The following CXCR2 variants were observed in gnomAD, a reference collection of about 807,000 sequenced individuals.
CXCR2 encodes C-X-C chemokine receptor type 2.
A neutral mutation model predicts 3.7 loss-of-function variants in CXCR2; 2 were observed. That is an observed-to-expected ratio of 0.55 (90% CI 0.22 to 1.72). CXCR2 has a LOEUF of 1.72. Ranked by LOEUF, CXCR2 falls within the 40% of genes most tolerant of loss-of-function variation. The probability of loss-of-function intolerance (pLI) is 0.19; values close to 1 mark genes in which losing one functional copy is unlikely to be tolerated. For missense variants in CXCR2, 351 were observed against 450.1 expected (o/e 0.78, Z 1.99); for synonymous variants, 203 against 193.3 (o/e 1.05, Z -0.41).
upstream of CXCR2, chr2:218,125,584 T>A (rs1009289398): frequency 1.4e-5 from 2 of 138,034 alleles, no homozygotes; most frequent in Non-Finnish European, 3.2e-5. Context: ...TTGTTTTTGT[T>A]TTTTTTTTTA....
At chr2:218,131,432 T>C (rs2106103211) in intron 2 of CXCR2, among the ~76,000 whole-genome samples, 1 of 152,104 alleles carries the variant, frequency 6.6e-6, no homozygotes, top group South Asian at 2.1e-4. Flanking sequence ...AGGGATTGCT[T>C]ATAAATTACG....
chr2:218,127,936 C>T (rs1217805746), intron 1 of CXCR2, among the ~76,000 whole-genome samples: 2 of 152,336 alleles, frequency 1.3e-5, no homozygotes, highest in East Asian at 3.9e-4. Context: ...CCACTGCCGA[C>T]TGCTTTCCCT....
chr2:218,135,734 C>T lies in CXCR2; in HGVS notation c.933C>T (p.Pro311=), dbSNP rs1690780675. The change falls in exon 3 of 3, where the codon CCC becomes CCT. Residue 311 remains proline, a synonymous_variant. Coordinates refer to ENST00000318507, the MANE Select transcript of CXCR2 (RefSeq NM_001557.4). The surrounding 1 kb of genome is among the most constrained non-coding windows in gnomAD (Gnocchi z 4.0). ...GCATCCTTCACAGCTGCCTCAACCC[C>T]CTCATCTACGCCTTCATTGGCCAGA... The part of the protein sequence containing the change: ...ILGILHSCLN[P]LIYAFIGQKF... The T allele has an allele frequency of 6.2e-7, 1 of 1,613,984 alleles. No individual in the cohort carries two copies. Among genetic ancestry groups the T allele is most frequent in the African/African-American group, 1.3e-5 (1 of 74,894 alleles).
chr2:218,131,263 T>C (rs1369500402), intron 2 of CXCR2, among the ~76,000 whole-genome samples: 2 of 152,166 alleles, frequency 1.3e-5, no homozygotes, highest in African/African-American at 2.4e-5. Context: ...CTTGACTTCA[T>C]TGGACATACC....
In CXCR2 at chr2:218,135,914, G is replaced by A. The variant is rs200327176; in HGVS notation, c.*30G>A. On this transcript the variant is annotated 3_prime_UTR_variant, in exon 3 of 3. Coordinates refer to ENST00000318507, the MANE Select transcript of CXCR2 (RefSeq NM_001557.4). The surrounding 1 kb of genome is among the most constrained non-coding windows in gnomAD (Gnocchi z 4.0). ...TCCTGCCTAAGTGCAGCCCCGTGGG[G>A]TTCCTCCCTTCTCTTCACAGTCACA... 141 of 1,569,198 alleles carry A rather than the reference G, an allele frequency of 9.0e-5. No individual in the cohort carries two copies. The Middle Eastern group carries it at 1.0e-3, about 12-fold the overall frequency.
rs1486133607 is a variant in CXCR2 at position 218,135,237 on chromosome 2, C to T, written c.436C>T (p.Leu146=). ...LLACISVDRY[L]AIVHATRTLT... ...GGCCTGCATCAGTGTGGACCGTTAC[C>T]TGGCCATTGTCCATGCCACACGCAC... Residue 146 remains leucine (L), a synonymous_variant, in exon 3 of 3, where the codon CTG becomes TTG. Transcript: ENST00000318507. This position sits in a 1 kb window ranked among gnomAD's most constrained non-coding sequence, Gnocchi z 4.0. 1 of 1,614,216 alleles carries T rather than the reference C, an allele frequency of 6.2e-7. No homozygotes were observed. The highest frequency in any genetic ancestry group is 1.3e-5 in the African/African-American group (1 of 75,054).
chr2:218,128,031 A>G (rs1214853797), intron 1 of CXCR2, among the ~76,000 whole-genome samples: 1 of 152,200 alleles, frequency 6.6e-6, no homozygotes, highest in Non-Finnish European at 1.5e-5. Context: ...AAAGGTTAAC[A>G]TTGTACTTTA....
At position 218,134,824 on chromosome 2, in the gene CXCR2, G is replaced by A; in HGVS notation, c.23G>A (p.Ser8Asn). 1 of 1,613,686 alleles carries A rather than the reference G, an allele frequency of 6.2e-7. No individual in the cohort carries two copies. The highest frequency in any genetic ancestry group is 1.1e-5 in the South Asian group (1 of 91,076). Residue 8 changes from serine to asparagine, a missense_variant, in exon 3 of 3, where the codon AGT (serine) becomes AAT (asparagine). Coordinates refer to ENST00000318507, the MANE Select transcript of CXCR2 (RefSeq NM_001557.4). ...AAAATGGAAGATTTTAACATGGAGA[G>A]TGACAGCTTTGAAGATTTCTGGAAA... MEDFNME[S>N]DSFEDFWKGE... is the part of the protein sequence containing the mutation.
chr2:218,126,272 T>G lies in CXCR2; in HGVS notation c.-159T>G, dbSNP rs1465267174. 1 of 152,388 alleles carries G rather than the reference T, an allele frequency of 6.6e-6. No homozygotes were observed. The highest frequency in any genetic ancestry group is 1.5e-5 in the Non-Finnish European group (1 of 68,078). The allele number at this position is 152,388 out of a possible 1,614,324, so 9.4% of individuals were successfully genotyped here. On this transcript the variant is annotated 5_prime_UTR_variant, in exon 1 of 3. Transcript: ENST00000318507. Reference sequence around the variant, plus strand: ...TTTCATCGTCAAGGTTGTTTCATCTTTTTTTTCCTGTCTAACAGCTCTGAC... The same window carrying G: ...TTTCATCGTCAAGGTTGTTTCATCTGTTTTTTCCTGTCTAACAGCTCTGAC...
chr2:218,131,510 C>G (rs926925697), intron 2 of CXCR2, among the ~76,000 whole-genome samples: 1 of 148,786 alleles, frequency 6.7e-6, no homozygotes, highest in Non-Finnish European at 1.5e-5. Context: ...TCCTCTGTCG[C>G]CCAGGCTGGA....
intron 1 of CXCR2, among the ~76,000 whole-genome samples, chr2:218,126,800 G>A (rs546391340): frequency 3.3e-5 from 5 of 150,054 alleles, no homozygotes; most frequent in East Asian, 2.0e-4. Flanking sequence ...GGCATGTGCC[G>A]CTACACTCAG....
At chr2:218,132,754 T>G (rs971967366) in intron 2 of CXCR2, among the ~76,000 whole-genome samples, 1 of 152,236 alleles carries the variant, frequency 6.6e-6, no homozygotes, top group Admixed American at 6.5e-5. Context: ...GACCAAAAAG[T>G]CTTTCAGTTG....
intron 1 of CXCR2, among the ~76,000 whole-genome samples, chr2:218,128,365 G>A (rs975050931): frequency 2.0e-4 from 31 of 152,196 alleles, no homozygotes; most frequent in Admixed American, 2.0e-3. Flanking sequence ...GGCAATTTAA[G>A]TGCGTCTGCC....
Position 218,136,020 on chromosome 2 carries a change from C to A in CXCR2, c.*136C>A. 1 of 1,162,214 alleles carries A rather than the reference C, an allele frequency of 8.6e-7. No individual in the cohort carries two copies. The highest frequency in any genetic ancestry group is 1.2e-6 in the Non-Finnish European group (1 of 817,640). 72.0% of individuals were successfully genotyped at this position (1,162,214 alleles called of 1,614,324 possible). A position where few individuals can be genotyped will look rare whatever the true frequency, so the allele number is the denominator to read the frequency against. ...TTGTGGTCACAGGAAGTAGAGGAGG[C>A]CACGTTCTTACTAGTTTCCCTTGCA... On this transcript the variant is annotated 3_prime_UTR_variant, in exon 3 of 3. Transcript: ENST00000318507.
chr2:218,135,515 G>C lies in CXCR2; in HGVS notation c.714G>C (p.Leu238=), dbSNP rs1690770401. The change falls in exon 3 of 3, where the codon CTG becomes CTC. Residue 238 remains leucine (L), a synonymous_variant. Coordinates refer to ENST00000318507, the MANE Select transcript of CXCR2 (RefSeq NM_001557.4). The surrounding 1 kb of genome is among the most constrained non-coding windows in gnomAD (Gnocchi z 4.0). ...LFCYGFTLRT[L]FKAHMGQKHR... ...GCTACGGATTCACCCTGCGTACGCTGTTTAAGGCCCACATGGGGCAGAAGC... is the reference window on the plus strand; with the variant it reads ...GCTACGGATTCACCCTGCGTACGCTCTTTAAGGCCCACATGGGGCAGAAGC... 6.2e-7 allele frequency: 1 copy of C among 1,614,184 alleles called. No individual in the cohort carries two copies. The highest frequency in any genetic ancestry group is 8.5e-7 in the Non-Finnish European group (1 of 1,180,036).
At chr2:218,125,641 C>T (rs1446758522), upstream of CXCR2, 1 of 151,362 alleles carries the variant, frequency 6.6e-6, no homozygotes, top group African/African-American at 2.4e-5. Context: ...GGAACCTTGG[C>T]GAAAGTTATT....
intron 2 of CXCR2, among the ~76,000 whole-genome samples, chr2:218,133,664 C>T (rs566098091): frequency 6.6e-6 from 1 of 152,306 alleles, no homozygotes; most frequent in East Asian, 1.9e-4. Context: ...CTGTGCTGTC[C>T]CTGTGGCAAG....
intron 2 of CXCR2, among the ~76,000 whole-genome samples, chr2:218,132,290 G>A (rs1430000861): frequency 6.6e-6 from 1 of 152,080 alleles, no homozygotes; most frequent in African/African-American, 2.4e-5. Context: ...TCTACTTTCT[G>A]TCTCTACCAA....
rs917913489 is a variant in CXCR2 at position 218,129,301 on chromosome 2, C to G, written c.-77-13C>G. On this transcript the variant is annotated splice_polypyrimidine_tract_variant and intron_variant, in intron 1 of 2. Transcript: ENST00000318507. ...TCCTCCACTGTGTTCTCACCACCAC[C>G]TCCCTTTCATAGGTCACAGCTGCTC... The G allele has an allele frequency of 1.3e-5, 2 of 152,374 alleles. No individual in the cohort carries two copies. Among genetic ancestry groups the G allele is most frequent in the African/African-American group, 4.8e-5 (2 of 41,430 alleles). The allele number at this position is 152,374 out of a possible 1,614,324, so 9.4% of individuals were successfully genotyped here.
Sources: allele counts gnomAD v4.1 joint callset (sites outside exome capture counted in the v4.1 genomes callset), GRCh38; gene constraint gnomAD v4.1.1; non-coding constraint Gnocchi (gnomAD v3.1); transcripts MANE v1.5; gene names NCBI Gene and HGNC (gene_info 2026-07-23, HGNC 2026-07-21).